Variants in HSPA12B observed in about 807,000 individuals in gnomAD.
The protein encoded by HSPA12B is heat shock protein family A (Hsp70) member 12B.
In HSPA12B, 54 loss-of-function variants were observed where a neutral mutation model predicts 69.3. The observed-to-expected ratio is 0.78, with a 90% CI of 0.63 to 0.98. The LOEUF is 0.98. HSPA12B is among the 50% of genes least tolerant of loss of function. The pLI, the probability that HSPA12B is intolerant of heterozygous loss-of-function variation, is 0.00. For synonymous variants in HSPA12B, 441 were observed against 436.5 expected, an observed-to-expected ratio of 1.01 and a Z score of -0.13; for missense variants, 929 against 999.8, an observed-to-expected ratio of 0.93 and a Z score of 0.96.
At chr20:3,750,669 C>T in intron 11 of HSPA12B, 135 bp from the exon 12 acceptor site, 1 of 1,559,056 alleles carries the variant, frequency 6.4e-7, no homozygotes, top group Non-Finnish European at 8.7e-7. Flanking sequence ...GTCCAGTCCT[C>T]CAGACACCAC....
At position 3,746,014 on chromosome 20, in the gene HSPA12B, C is replaced by T. The variant is rs1208377353; in HGVS notation, c.658C>T (p.Arg220Trp). 1.9e-6 allele frequency: 3 copies of T among 1,613,604 alleles called. No homozygotes were observed. The highest frequency in any genetic ancestry group is 1.7e-4 in the Middle Eastern group (1 of 6,056). Residue 220 changes from arginine (R) to tryptophan (W), a missense_variant, in exon 7 of 13, where the codon CGG (arginine) becomes TGG (tryptophan). Coordinates refer to ENST00000254963, the MANE Select transcript of HSPA12B (RefSeq NM_052970.5). ...GAAACAGCCAGCCAAGCAGTTCATG[C>T]GGGAGGCTGCCTACCTGGTGAGGAC... Reference protein sequence around the residue: ...IWKQPAKQFMREAAYLAGLVS... With the variant: ...IWKQPAKQFMWEAAYLAGLVS...
At chr20:3,739,126 C>T (rs539915108) in intron 2 of HSPA12B, among the ~76,000 whole-genome samples, 84 of 152,162 alleles carry the variant, frequency 5.5e-4, no homozygotes, top group Non-Finnish European at 1.1e-3. Context: ...TGTGTCTCTG[C>T]GGGCAGGTCT....
rs570002442 is a variant in HSPA12B, at chr20:3,750,222, G to A, written c.1296G>A (p.Arg432=). The A allele has an allele frequency of 1.3e-6, 2 of 1,595,140 alleles. No homozygotes were observed. Among genetic ancestry groups the A allele is most frequent in the Non-Finnish European group, 8.6e-7 (1 of 1,166,682 alleles). Residue 432 remains arginine (R), a synonymous_variant, in exon 11 of 13, where the codon AGG becomes AGA. Transcript: ENST00000254963. ...ACAACGTGGAGACCGCTCTGCGCAG[G>A]AGCAGGTGGGTCCTGAGCCCGCGGG... ...RGHNVETALR[R]SSVNFVKWSS... is the part of the protein sequence containing the mutation.
chr20:3,751,837 G>C lies in HSPA12B; in HGVS notation c.1732G>C (p.Val578Leu). Residue 578 changes from valine (V) to leucine (L), a missense_variant, in exon 13 of 13, where the codon GTG (valine) becomes CTG (leucine). Physicochemically the swap from Val to Leu is conservative, Grantham distance 32 (BLOSUM62 1). Transcript: ENST00000254963. ...GTGCACCGACGTCTTCGAGCGCTTCGTGGCCGCCGAGCAGTCGGTGGCCCT... is the reference window on the plus strand; with the variant it reads ...GTGCACCGACGTCTTCGAGCGCTTCCTGGCCGCCGAGCAGTCGGTGGCCCT... ...RWCTDVFERF[V>L]AAEQSVALGE... 6.5e-7 allele frequency: 1 copy of C among 1,539,226 alleles called. No homozygotes were observed. The highest frequency in any genetic ancestry group is 8.7e-7 in the Non-Finnish European group (1 of 1,148,890).
intron 8 of HSPA12B, 122 bp downstream of exon 8, chr20:3,748,513 C>A: frequency 2.2e-6 from 2 of 928,186 alleles, no homozygotes; most frequent in East Asian, 3.2e-5. Flanking sequence ...CCAATTTGAG[C>A]AGGCAGAAAC....
rs749584031 is a variant in HSPA12B at position 3,748,365 on chromosome 20, G to A, written c.824G>A (p.Arg275His). The change falls in exon 8 of 13, where the codon CGC (arginine) becomes CAC (histidine). Residue 275 changes from arginine to histidine, a missense_variant. Physicochemically the swap from Arg to His is conservative, Grantham distance 29. Coordinates refer to ENST00000254963, the MANE Select transcript of HSPA12B (RefSeq NM_052970.5). ...APGGGRLGER[R>H]SIDSSFRQAR... ...GGTGGTGGGCGCCTGGGTGAGCGCC[G>A]CTCCATCGACTCCAGCTTCCGTCAG... 45 of 1,603,038 alleles carry A rather than the reference G, an allele frequency of 2.8e-5. No individual in the cohort carries two copies. Among genetic ancestry groups the A allele is most frequent in the Non-Finnish European group, 3.8e-5 (45 of 1,175,382 alleles).
chr20:3,751,828 G>C lies in HSPA12B; in HGVS notation c.1723G>C (p.Glu575Gln), dbSNP rs1357510552. The C allele has an allele frequency of 6.5e-7, 1 of 1,535,882 alleles. No homozygotes were observed. Among genetic ancestry groups the C allele is most frequent in the Non-Finnish European group, 8.7e-7 (1 of 1,147,230 alleles). ...CCGCCGCTGGTGCACCGACGTCTTCGAGCGCTTCGTGGCCGCCGAGCAGTC... is the reference window on the plus strand; with the variant it reads ...CCGCCGCTGGTGCACCGACGTCTTCCAGCGCTTCGTGGCCGCCGAGCAGTC... The part of the protein sequence containing the change: ...DGRRWCTDVF[E>Q]RFVAAEQSVA... The change falls in exon 13 of 13, where the codon GAG becomes CAG. Residue 575 changes from glutamate to glutamine, a missense_variant. By Grantham distance (29) the Glu-to-Gln change is conservative (BLOSUM62 2). Around this residue, in one of 3 missense-constraint regions of HSPA12B, gnomAD observed 448 missense variants for 448.1 expected, o/e 1.00. Transcript: ENST00000254963.
In HSPA12B at chr20:3,751,530, G is replaced by A. The variant is rs763888955; in HGVS notation, c.1425G>A (p.Pro475=). 1.2e-5 allele frequency: 18 copies of A among 1,450,286 alleles called. No homozygotes were observed. The highest frequency in any genetic ancestry group is 1.5e-5 in the Non-Finnish European group (16 of 1,102,360). The allele number at this position is 1,450,286 out of a possible 1,614,324, so 89.8% of individuals were successfully genotyped here. ...CCGCAGAGGCCCTGCTGGCACGGCCGGAGGTGCAGGGTGTGAAGCTGCTGT... is the reference window on the plus strand; with the variant it reads ...CCGCAGAGGCCCTGCTGGCACGGCCAGAGGTGCAGGGTGTGAAGCTGCTGT... ...IQHIEALLAR[P]EVQGVKLLFL... Residue 475 remains proline, a synonymous_variant, in exon 13 of 13, where the codon CCG becomes CCA. Transcript: ENST00000254963.
Position 3,750,106 on chromosome 20 carries a change from C to T in HSPA12B, c.1180C>T (p.Arg394Cys). ...AGATCTGACCATCGCCTTCGAGGCTCGCAAGCGCACTGCTGGCCCACACCG... is the reference window on the plus strand; with the variant it reads ...AGATCTGACCATCGCCTTCGAGGCTTGCAAGCGCACTGCTGGCCCACACCG... ...WVDLTIAFEA[R>C]KRTAGPHRAG... The change falls in exon 11 of 13, where the codon CGC becomes TGC. Residue 394 changes from arginine to cysteine, a missense_variant. Physicochemically the swap from Arg to Cys is radical, Grantham distance 180. Around this residue, in one of 3 missense-constraint regions of HSPA12B, gnomAD observed 4 missense variants for 16.5 expected, o/e 0.24. Coordinates refer to ENST00000254963, the MANE Select transcript of HSPA12B (RefSeq NM_052970.5). The T allele has an allele frequency of 6.2e-7, 1 of 1,612,218 alleles. No homozygotes were observed. Among genetic ancestry groups the T allele is most frequent in the African/African-American group, 1.3e-5 (1 of 75,014 alleles).
chr20:3,741,009 G>A, intron 3 of HSPA12B, 97 bp downstream of exon 3: 1 of 939,130 alleles, frequency 1.1e-6, no homozygotes, highest in Non-Finnish European at 1.6e-6. Flanking sequence ...TAGGAAGGAG[G>A]AGGGGATGGG....
rs767758993 is a variant in HSPA12B at position 3,749,960 on chromosome 20, C to G, written c.1043-9C>G. ...GCTGACGCCCTCTTCGCCCCCTGCTCCACCCCAGGGGGCCCTTATGGCGCG... is the reference window on the plus strand; with the variant it reads ...GCTGACGCCCTCTTCGCCCCCTGCTGCACCCCAGGGGGCCCTTATGGCGCG... On this transcript the variant is annotated splice_polypyrimidine_tract_variant and intron_variant, in intron 10 of 12. Transcript: ENST00000254963. The surrounding 1 kb of genome is among the most constrained non-coding windows in gnomAD (Gnocchi z 5.5). 6.4e-7 allele frequency: 1 copy of G among 1,556,586 alleles called. No homozygotes were observed. Among genetic ancestry groups the G allele is most frequent in the East Asian group, 2.4e-5 (1 of 41,778 alleles).
At chr20:3,746,299 G>GT (rs1196019528) in intron 7 of HSPA12B, among the ~76,000 whole-genome samples, 1 of 36,364 alleles carries the variant, frequency 2.7e-5, no homozygotes, top group South Asian at 1.6e-3. Flanking sequence ...AAGATGGAGA[G>GT]TCTTTTTTTT....
intron 3 of HSPA12B, among the ~76,000 whole-genome samples, chr20:3,741,398 G>A (rs1286724156): frequency 6.6e-6 from 1 of 152,048 alleles, no homozygotes; most frequent in Non-Finnish European, 1.5e-5. Context: ...TTGGGAGGCC[G>A]AGGTGGGCAG....
chr20:3,750,332 T>C, intron 11 of HSPA12B, 105 bp downstream of exon 11: 1 of 1,210,738 alleles, frequency 8.3e-7, no homozygotes, highest in Non-Finnish European at 1.1e-6. Flanking sequence ...GCCTGATTCA[T>C]CCCACATATA....
rs768320513 is a variant in HSPA12B at position 3,744,939 on chromosome 20, A to G, written c.304A>G (p.Lys102Glu). The G allele has an allele frequency of 1.9e-6, 3 of 1,613,606 alleles. No individual in the cohort carries two copies. In the East Asian group the frequency reaches 6.7e-5, roughly 36 times the overall value. ...CGGAGACCCGGGCGTGGCCCACCAGAAGACCCCGACCTGCCTGCTGCTGAC... is the reference window on the plus strand; with the variant it reads ...CGGAGACCCGGGCGTGGCCCACCAGGAGACCCCGACCTGCCTGCTGCTGAC... ...EGGDPGVAHQ[K>E]TPTCLLLTPE... The change falls in exon 5 of 13, where the codon AAG (lysine) becomes GAG (glutamate). Residue 102 changes from lysine to glutamate, a missense_variant. This residue lies in a region of HSPA12B where 477 missense variants were observed against 535.2 expected (regional missense o/e 0.89). Transcript: ENST00000254963. The surrounding 1 kb of genome is among the most constrained non-coding windows in gnomAD (Gnocchi z 4.9).
chr20:3,750,478 C>T (rs971067072), intron 11 of HSPA12B, among the ~76,000 whole-genome samples: 3 of 152,086 alleles, frequency 2.0e-5, no homozygotes, highest in Non-Finnish European at 4.4e-5. Flanking sequence ...GCGGCAATGC[C>T]TATCTCCTCC....
At position 3,745,086 on chromosome 20, in the gene HSPA12B, A is replaced by C; in HGVS notation, c.451A>C (p.Thr151Pro). The part of the protein sequence containing the change: ...EKFKMKIHSA[T>P]DLTLKTQLEA... The stretch of plus-strand genomic sequence containing the variant: ...GTTCAAGATGAAGATCCACAGCGCC[A>C]CGGTGAGTCACAGGGCTCCAGACAG... Residue 151 changes from threonine to proline, a missense_variant and splice_region_variant, in exon 5 of 13, where the codon ACG (threonine) becomes CCG (proline). By Grantham distance (38) the Thr-to-Pro change is conservative. Coordinates refer to ENST00000254963, the MANE Select transcript of HSPA12B (RefSeq NM_052970.5). This position sits in a 1 kb window ranked among gnomAD's most constrained non-coding sequence, Gnocchi z 5.6. 6.2e-7 allele frequency: 1 copy of C among 1,612,734 alleles called. No homozygotes were observed. Among genetic ancestry groups the C allele is most frequent in the South Asian group, 1.1e-5 (1 of 91,026 alleles).
At chr20:3,746,152 C>A in intron 7 of HSPA12B, 121 bp downstream of exon 7, 1 of 694,904 alleles carries the variant, frequency 1.4e-6, no homozygotes, top group African/African-American at 1.8e-5. Context: ...CTTCAGCCTG[C>A]TCCTGATGGG....
At position 3,749,764 on chromosome 20, in the gene HSPA12B, G is replaced by C; in HGVS notation, c.952G>C (p.Val318Leu). The C allele has an allele frequency of 1.3e-6, 2 of 1,599,400 alleles. No individual in the cohort carries two copies. Among genetic ancestry groups the C allele is most frequent in the Non-Finnish European group, 1.7e-6 (2 of 1,176,152 alleles). ...AEMQAGDRYV[V>L]ADCGGGTVDL... is the part of the protein sequence containing the mutation. Reference sequence around the variant, plus strand: ...CGCCGCCGCAGGAGACCGCTACGTGGTGGCCGACTGCGGCGGAGGCACCGT... The same window carrying C: ...CGCCGCCGCAGGAGACCGCTACGTGCTGGCCGACTGCGGCGGAGGCACCGT... Residue 318 changes from valine to leucine, a missense_variant, in exon 10 of 13, where the codon GTG becomes CTG. Val to Leu is a conservative substitution (Grantham distance 32). This residue lies in a region of HSPA12B where 477 missense variants were observed against 535.2 expected (regional missense o/e 0.89). Coordinates refer to ENST00000254963, the MANE Select transcript of HSPA12B (RefSeq NM_052970.5). The surrounding 1 kb of genome is among the most constrained non-coding windows in gnomAD (Gnocchi z 5.5).
Sources: allele counts gnomAD v4.1 joint callset (sites outside exome capture counted in the v4.1 genomes callset), GRCh38; gene constraint gnomAD v4.1.1; regional missense constraint gnomAD v4.1.1; non-coding constraint Gnocchi (gnomAD v3.1); transcripts MANE v1.5; gene names NCBI Gene and HGNC (gene_info 2026-07-23, HGNC 2026-07-21).